The following TNIP3 variants were observed in gnomAD, a reference collection of about 807,000 sequenced individuals.
TNIP3 encodes the protein TNFAIP3 interacting protein 3.
Under a neutral mutation model 54.1 loss-of-function variants are expected in TNIP3, and 34 were observed. That is an observed-to-expected ratio of 0.63 (90% CI 0.48 to 0.84). The LOEUF is 0.84. Among genes scored for constraint, TNIP3 ranks in the 40% least tolerant of loss-of-function variants. TNIP3 has a pLI of 0.00. For synonymous variants in TNIP3, 134 were observed against 136.8 expected, an observed-to-expected ratio of 0.98 and a Z score of 0.14; for missense variants, 366 against 387.6, an observed-to-expected ratio of 0.94 and a Z score of 0.47.
Position 121,197,835 on chromosome 4 carries a change from G to A in TNIP3, c.69-15039C>T, listed in dbSNP as rs41413145. ...TTAATAAGGAGAGCCGTATAAGAAA[G>A]TCAAAGTCCTTATCAGTGAGCAATG... On this transcript the variant is annotated intron_variant, in intron 2 of 12. Transcript: ENST00000507879. Among the ~76,000 whole-genome samples, 1,407 of 152,260 alleles carry A rather than the reference G, an allele frequency of 9.2e-3. 28 individuals are homozygous for A. The highest frequency in any genetic ancestry group is 0.032 in the African/African-American group (1,326 of 41,552).
upstream of TNIP3, among the ~76,000 whole-genome samples, chr4:121,219,553 A>G (rs1281531072): frequency 1.3e-5 from 2 of 152,228 alleles, no homozygotes; most frequent in African/African-American, 4.8e-5. Context: ...GAAGTTAACC[A>G]AGTTTTATGA....
chr4:121,164,150 G>C lies in TNIP3; in HGVS notation c.-25C>G. 6.2e-7 allele frequency: 1 copy of C among 1,613,382 alleles called. No individual in the cohort carries two copies. The highest frequency in any genetic ancestry group is 8.5e-7 in the Non-Finnish European group (1 of 1,179,630). On this transcript the variant is annotated 5_prime_UTR_variant, in exon 1 of 11. Transcript: ENST00000057513. The stretch of plus-strand genomic sequence containing the variant: ...TGGAAGCTGTTTTTCCTGGAGTCTT[G>C]GAAAGCAGAAAGAAAAACAGGGGAA...
At chr4:121,210,022 C>G (rs1027386644) in intron 2 of TNIP3, among the ~76,000 whole-genome samples, 1 of 152,058 alleles carries the variant, frequency 6.6e-6, no homozygotes, top group Admixed American at 6.6e-5. Context: ...ACCTAAGAAG[C>G]GTGATTTGAA....
At chr4:121,211,086 A>C (rs1324405580) in intron 2 of TNIP3, among the ~76,000 whole-genome samples, 1 of 152,206 alleles carries the variant, frequency 6.6e-6, no homozygotes, top group Non-Finnish European at 1.5e-5. Context: ...AATGAAAATA[A>C]CTGGACTTGG....
chr4:121,175,455 C>G (rs1724251425), intron 3 of TNIP3, among the ~76,000 whole-genome samples: 1 of 152,150 alleles, frequency 6.6e-6, no homozygotes, highest in African/African-American at 2.4e-5. Context: ...CCCCACCAAG[C>G]CTCCCAGTGT....
chr4:121,135,599 A>T (rs1237322236), intron 10 of TNIP3, among the ~76,000 whole-genome samples: 1 of 152,030 alleles, frequency 6.6e-6, no homozygotes, highest in African/African-American at 2.4e-5. Context: ...GGGTTTCACC[A>T]TGTTGCCCAG....
intron 2 of TNIP3, among the ~76,000 whole-genome samples, chr4:121,188,215 A>G (rs1384545755): frequency 6.6e-6 from 1 of 152,142 alleles, no homozygotes; most frequent in Non-Finnish European, 1.5e-5. Flanking sequence ...CACTCACAAG[A>G]ATAAATCAAC....
intron 2 of TNIP3, among the ~76,000 whole-genome samples, chr4:121,193,382 GTAA>G (rs1170372704): frequency 1.3e-5 from 2 of 152,054 alleles, no homozygotes; most frequent in Non-Finnish European, 2.9e-5. Context: ...ATCAAAATAT[GTAA>G]TAATAAGAAT....
chr4:121,221,880 C>G (rs1192749438), intron 1 of TNIP3, among the ~76,000 whole-genome samples: 1 of 152,142 alleles, frequency 6.6e-6, no homozygotes, highest in African/African-American at 2.4e-5. Context: ...CACAGGTTCT[C>G]TACAGCTCAA....
At chr4:121,216,237 T>C (rs1230712242) in intron 2 of TNIP3, among the ~76,000 whole-genome samples, 2 of 152,092 alleles carry the variant, frequency 1.3e-5, no homozygotes, top group Non-Finnish European at 2.9e-5. Context: ...TAAAAGAAAA[T>C]ATGTTCAGAT....
chr4:121,218,266 C>A (rs1726884573), upstream of TNIP3, among the ~76,000 whole-genome samples: 1 of 152,102 alleles, frequency 6.6e-6, no homozygotes, highest in African/African-American at 2.4e-5. Context: ...AAAGGGAAAT[C>A]TCCAGATTTA....
intron 1 of TNIP3, chr4:121,227,380 C>A: frequency 6.5e-7 from 1 of 1,535,288 alleles, no homozygotes; most frequent in African/African-American, 1.4e-5. Context: ...CATTATGTTA[C>A]TCACCATGTT....
At chr4:121,149,925 G>C (rs547560925) in intron 6 of TNIP3, among the ~76,000 whole-genome samples, 178 bp downstream of exon 6, 46 of 152,264 alleles carry the variant, frequency 3.0e-4, no homozygotes, top group South Asian at 6.2e-4. Flanking sequence ...TAAATGGTGG[G>C]ACTGAACTAG....
intron 8 of TNIP3, 145 bp downstream of exon 8, chr4:121,142,581 T>A: frequency 1.4e-6 from 1 of 721,726 alleles, no homozygotes. Context: ...CTAAGCACTG[T>A]CTATCCGTTG....
chr4:121,214,489 A>C (rs1355503915), intron 2 of TNIP3, among the ~76,000 whole-genome samples: 1 of 152,216 alleles, frequency 6.6e-6, no homozygotes, highest in Non-Finnish European at 1.5e-5. Flanking sequence ...GCTCACACAA[A>C]GTCCTCAGAA....
intron 2 of TNIP3, among the ~76,000 whole-genome samples, chr4:121,190,418 T>A (rs1272901646): frequency 6.6e-6 from 1 of 152,186 alleles, no homozygotes; most frequent in African/African-American, 2.4e-5. Context: ...CAAGAATAAC[T>A]AGATCTGAAT....
At chr4:121,171,967 A>G (rs551933389) in intron 3 of TNIP3, among the ~76,000 whole-genome samples, 2 of 152,294 alleles carry the variant, frequency 1.3e-5, no homozygotes, top group East Asian at 3.9e-4. Context: ...TTCTGACCTC[A>G]AATGATCCAC....
chr4:121,154,266 T>A (rs7682759), intron 5 of TNIP3: 6,269 of 365,928 alleles, frequency 0.017, 364 homozygotes, highest in African/African-American at 0.12. Context: ...ACTTGCTTTA[T>A]GTGGTTCTTC....
chr4:121,179,781 T>C (rs1724569828), intron 3 of TNIP3, among the ~76,000 whole-genome samples: 1 of 151,834 alleles, frequency 6.6e-6, no homozygotes, highest in African/African-American at 2.4e-5. Flanking sequence ...TGCCTAGTGA[T>C]TCATTCACCA....
Sources: allele counts gnomAD v4.1 joint callset (sites outside exome capture counted in the v4.1 genomes callset), GRCh38; gene constraint gnomAD v4.1.1; transcripts MANE v1.5; gene names NCBI Gene and HGNC (gene_info 2026-07-23, HGNC 2026-07-21).